COL9A1: variants seen among roughly 807,000 people sequenced by gnomAD.
The protein encoded by COL9A1 is collagen alpha-1(IX) chain.
Under a neutral mutation model 142.6 loss-of-function variants are expected in COL9A1, and 104 were observed. That is an observed-to-expected ratio of 0.73 (90% CI 0.62 to 0.86). The LOEUF (loss-of-function observed/expected upper bound fraction) is 0.86, where lower values mean the gene tolerates loss of function less well. Ranked by LOEUF, COL9A1 falls within the 40% of genes least tolerant of loss-of-function variation. The pLI, the probability that COL9A1 is intolerant of heterozygous loss-of-function variation, is 0.00. For missense variants in COL9A1, 1,210 were observed against 1,176.6 expected (o/e 1.03, Z -0.42); for synonymous variants, 466 against 396.0 (o/e 1.18, Z -2.10).
chr6:70,235,417 T>C (rs1769844691), intron 33 of COL9A1, among the ~76,000 whole-genome samples: 1 of 152,050 alleles, frequency 6.6e-6, no homozygotes, highest in South Asian at 2.1e-4. Flanking sequence ...CGTGCCACTG[T>C]ACTCCAGCCT....
rs747506630 is a variant in COL9A1, at chr6:70,300,354, T to G, written c.121A>C (p.Asn41His). 6.2e-7 allele frequency: 1 copy of G among 1,613,662 alleles called. No individual in the cohort carries two copies. Among genetic ancestry groups the G allele is most frequent in the Non-Finnish European group, 8.5e-7 (1 of 1,179,770 alleles). The change falls in exon 3 of 38, where the codon AAT becomes CAT. Residue 41 changes from asparagine (N) to histidine (H), a missense_variant. By Grantham distance (68) the Asn-to-His change is moderately conservative (BLOSUM62 1). Transcript: ENST00000357250. ...FPVNSNSNGG[N>H]ELCPKIRIGQ... ...ATCCTGATCTTTGGACAGAGTTCATTTCCACCATTAGAATTGGAATTGACA... is the reference window on the plus strand; with the variant it reads ...ATCCTGATCTTTGGACAGAGTTCATGTCCACCATTAGAATTGGAATTGACA...
At chr6:70,271,734 G>C (rs770573466) in intron 13 of COL9A1, 26 bp from the exon 14 acceptor site, 1 of 1,595,982 alleles carries the variant, frequency 6.3e-7, no homozygotes, top group African/African-American at 1.3e-5. Flanking sequence ...CAAAGCAAAT[G>C]GTCATTTATG....
intron 36 of COL9A1, among the ~76,000 whole-genome samples, chr6:70,226,757 C>T (rs1769255235): frequency 1.3e-5 from 2 of 151,790 alleles, no homozygotes; most frequent in South Asian, 2.1e-4. Flanking sequence ...ATGATATCAT[C>T]ATAAAATATT....
chr6:70,269,355 T>C (rs1323327530), intron 16 of COL9A1, among the ~76,000 whole-genome samples: 1 of 152,196 alleles, frequency 6.6e-6, no homozygotes, highest in Non-Finnish European at 1.5e-5. Flanking sequence ...TTATTTGAAC[T>C]CTATCTCTTT....
chr6:70,286,532 A>G (rs914955486), intron 5 of COL9A1, among the ~76,000 whole-genome samples: 1 of 152,232 alleles, frequency 6.6e-6, no homozygotes, highest in Admixed American at 6.5e-5. Flanking sequence ...ATAAAACACC[A>G]AAAAACTAGC....
chr6:70,284,187 C>T (rs1033905868), intron 5 of COL9A1, among the ~76,000 whole-genome samples: 2 of 152,070 alleles, frequency 1.3e-5, no homozygotes, highest in Admixed American at 6.5e-5. Flanking sequence ...AAGTCACAAA[C>T]CAATAAGTGT....
At chr6:70,234,299 C>CAAAAAAAAAAAAAAAAAAAAAAAAA (rs1376237848) in intron 35 of COL9A1, among the ~76,000 whole-genome samples, 2 of 132,012 alleles carry the variant, frequency 1.5e-5, no homozygotes, top group Non-Finnish European at 3.5e-5. Context: ...AAAAACAAAA[C>CAAAAAAAAAAAAAAAAAAAAAAAAA]AAAACAAAAA....
chr6:70,227,424 T>TAAAAAAAAAAAAAAAAAAAAAAA (rs11407353), intron 36 of COL9A1, among the ~76,000 whole-genome samples: 14 of 50,028 alleles, frequency 2.8e-4, no homozygotes, highest in South Asian at 1.4e-3. Context: ...ATGCAAATTG[T>TAAAAAAAAAAAAAAAAAAAAAAA]AAAAAAAAAA....
At chr6:70,254,576 G>GT in intron 24 of COL9A1, 47 bp from the exon 25 acceptor site, 16 of 1,561,506 alleles carry the variant, frequency 1.0e-5, no homozygotes, top group Non-Finnish European at 1.4e-5. Context: ...ATGAGCTGCT[G>GT]TATTTCTTTT....
chr6:70,235,900 G>A (rs1318263277), intron 33 of COL9A1, among the ~76,000 whole-genome samples: 1 of 151,976 alleles, frequency 6.6e-6, no homozygotes, highest in African/African-American at 2.4e-5. Context: ...GGATCACGAG[G>A]TCAGGAGATC....
intron 17 of COL9A1, among the ~76,000 whole-genome samples, chr6:70,267,923 C>A (rs1772133673): frequency 1.3e-5 from 2 of 152,158 alleles, no homozygotes; most frequent in Admixed American, 1.3e-4. Flanking sequence ...TGCCTTCGGG[C>A]CTTTCAGATC....
intron 10 of COL9A1, chr6:70,280,393 C>A: frequency 8.5e-7 from 1 of 1,172,288 alleles, no homozygotes; most frequent in Non-Finnish European, 1.1e-6. Context: ...CAGGGAGTGC[C>A]GGTGAAAGAG....
At chr6:70,245,401 A>G (rs530024075) in intron 28 of COL9A1, among the ~76,000 whole-genome samples, 3 of 152,316 alleles carry the variant, frequency 2.0e-5, no homozygotes, top group Admixed American at 6.5e-5. Flanking sequence ...TGATTGTAAA[A>G]ATTCAAAAAA....
intron 18 of COL9A1, among the ~76,000 whole-genome samples, chr6:70,266,501 T>G (rs1772025230): frequency 6.6e-6 from 1 of 152,214 alleles, no homozygotes; most frequent in South Asian, 2.1e-4. Context: ...AAATGTCTGG[T>G]GCCTTATTTG....
chr6:70,274,834 G>A, intron 10 of COL9A1, 62 bp from the exon 11 acceptor site: 2 of 1,344,300 alleles, frequency 1.5e-6, no homozygotes, highest in Non-Finnish European at 2.1e-6. Context: ...CCACTAAGTA[G>A]AAAACTTTCA....
chr6:70,287,289 C>T (rs1773493122), intron 5 of COL9A1, among the ~76,000 whole-genome samples: 1 of 151,926 alleles, frequency 6.6e-6, no homozygotes, highest in South Asian at 2.1e-4. Context: ...TTCACCTTGA[C>T]TTCAGGGCTA....
At chr6:70,235,410 G>A (rs1024953225) in intron 33 of COL9A1, among the ~76,000 whole-genome samples, 1 of 151,996 alleles carries the variant, frequency 6.6e-6, no homozygotes, top group East Asian at 1.9e-4. Context: ...CGGAGATCGT[G>A]CCACTGTACT....
chr6:70,253,010 G>T lies in COL9A1; in HGVS notation c.1764+375C>A, dbSNP rs1771049320. Among the ~76,000 whole-genome samples, 5 of 146,418 alleles carry T rather than the reference G, an allele frequency of 3.4e-5. No homozygotes were observed. The South Asian group carries it at 1.1e-3, about 32-fold the overall frequency. ...GTAGAATATAAGCACTGGTCGATCAGTATGTGAAAAAAAAAATGCCTAATA... is the reference window on the plus strand; with the variant it reads ...GTAGAATATAAGCACTGGTCGATCATTATGTGAAAAAAAAAATGCCTAATA... On this transcript the variant is annotated intron_variant, in intron 26 of 37. Coordinates refer to ENST00000357250, the MANE Select transcript of COL9A1 (RefSeq NM_001851.6).
chr6:70,216,243 G>T lies in COL9A1; in HGVS notation c.*654C>A, dbSNP rs1389651425. ...GCCAGAGTATTAAAATTATTTCTTT[G>T]CTTTCACATAGAAGCGCTCAAAATA... On this transcript the variant is annotated 3_prime_UTR_variant, in exon 38 of 38. Transcript: ENST00000357250. 6.6e-6 allele frequency: 1 copy of T among 152,520 alleles called. No homozygotes were observed. The highest frequency in any genetic ancestry group is 2.4e-5 in the African/African-American group (1 of 41,414). The allele number at this position is 152,520 out of a possible 1,614,324, so 9.4% of individuals were successfully genotyped here.
Sources: allele counts gnomAD v4.1 joint callset (sites outside exome capture counted in the v4.1 genomes callset), GRCh38; gene constraint gnomAD v4.1.1; transcripts MANE v1.5; gene names NCBI Gene and HGNC (gene_info 2026-07-23, HGNC 2026-07-21).